BRD1: variants seen among roughly 807,000 people sequenced by gnomAD.
BRD1 encodes the protein bromodomain containing 1.
A neutral mutation model predicts 107.7 loss-of-function variants in BRD1; 24 were observed. The observed-to-expected ratio is 0.22, with a 90% CI of 0.16 to 0.31. The LOEUF (loss-of-function observed/expected upper bound fraction) is 0.31, where lower values mean the gene tolerates loss of function less well. Among genes scored for constraint, BRD1 ranks in the 10% least tolerant of loss-of-function variants. The pLI is 1.00. For synonymous variants in BRD1, 744 were observed against 686.1 expected (o/e 1.08, Z -1.32); for missense variants, 1,279 against 1,638.6 (o/e 0.78, Z 3.79).
At chr22:49,808,550 G>A (rs2059788620) in intron 2 of BRD1, among the ~76,000 whole-genome samples, 1 of 152,130 alleles carries the variant, frequency 6.6e-6, no homozygotes, top group Admixed American at 6.5e-5. Context: ...TGTTTAACTG[G>A]GACAGAGTTT....
chr22:49,789,093 G>A (rs949655888), intron 7 of BRD1, among the ~76,000 whole-genome samples: 7 of 152,112 alleles, frequency 4.6e-5, no homozygotes, highest in Admixed American at 6.5e-5. Context: ...GACACTCGGC[G>A]CCTTAGAGCA....
At chr22:49,826,148 C>T in intron 1 of BRD1, 2 of 984,330 alleles carry the variant, frequency 2.0e-6, no homozygotes, top group South Asian at 4.7e-5. Context: ...GTTGGTTACT[C>T]ACCAGATCAG....
In BRD1 at chr22:49,777,039, G is replaced by A. The variant is rs768514768; in HGVS notation, c.3116C>T (p.Ala1039Val). 1 of 1,613,116 alleles carries A rather than the reference G, an allele frequency of 6.2e-7. No individual in the cohort carries two copies. The highest frequency in any genetic ancestry group is 1.1e-5 in the South Asian group (1 of 91,088). ...GGCAGGTCCGGGCGACTCACCGGCTGCGATCCTGGCCGCCTTGGCGTAGTT... is the reference window on the plus strand; with the variant it reads ...GGCAGGTCCGGGCGACTCACCGGCTACGATCCTGGCCGCCTTGGCGTAGTT... Reference protein sequence around the residue: ...NGNYAKAARIAAEVGQSSMWI... With the variant: ...NGNYAKAARIVAEVGQSSMWI... Residue 1039 changes from alanine to valine, a missense_variant, in exon 10 of 13, where the codon GCA becomes GTA. Ala to Val is a moderately conservative substitution (Grantham distance 64). Coordinates refer to ENST00000404760, the MANE Select transcript of BRD1 (RefSeq NM_001304808.3).
At chr22:49,818,885 C>CA (rs978143063) in intron 2 of BRD1, among the ~76,000 whole-genome samples, 22 of 145,856 alleles carry the variant, frequency 1.5e-4, no homozygotes, top group East Asian at 9.9e-4. Context: ...GACTCCGTCT[C>CA]AAAAAAAAAA....
chr22:49,802,051 G>T (rs561305712), intron 3 of BRD1, among the ~76,000 whole-genome samples: 31 of 152,332 alleles, frequency 2.0e-4, no homozygotes, highest in African/African-American at 7.2e-4. Context: ...CTGGAGTTCT[G>T]TCCAGCCCCG....
At chr22:49,784,166 G>A (rs891804553) in intron 8 of BRD1, among the ~76,000 whole-genome samples, 6 of 144,564 alleles carry the variant, frequency 4.2e-5, no homozygotes, top group African/African-American at 1.6e-4. Context: ...ACACTCTCAA[G>A]CCCCAGCACA....
chr22:49,789,804 C>T (rs545933841), intron 7 of BRD1, among the ~76,000 whole-genome samples: 1 of 152,356 alleles, frequency 6.6e-6, no homozygotes, highest in Non-Finnish European at 1.5e-5. Flanking sequence ...GACGTGCAGA[C>T]GTCCCTGCCT....
intron 12 of BRD1, 107 bp downstream of exon 12, chr22:49,775,484 G>A (rs1452083305): frequency 2.7e-6 from 3 of 1,108,972 alleles, no homozygotes; most frequent in Non-Finnish European, 3.5e-6. Context: ...GCTGTGCCAG[G>A]GCCCAGCAGA....
At chr22:49,797,429 A>G (rs952738300) in intron 6 of BRD1, among the ~76,000 whole-genome samples, 7 of 152,080 alleles carry the variant, frequency 4.6e-5, no homozygotes, top group Admixed American at 6.5e-5. Flanking sequence ...CGGCCACCCC[A>G]TAGGGAGCCA....
Position 49,823,746 on chromosome 22 carries a change from T to C in BRD1, c.572A>G (p.Asp191Gly). The C allele has an allele frequency of 6.2e-7, 1 of 1,614,122 alleles. No homozygotes were observed. Among genetic ancestry groups the C allele is most frequent in the Non-Finnish European group, 8.5e-7 (1 of 1,180,032 alleles). Residue 191 changes from aspartate to glycine, a missense_variant, in exon 2 of 13, where the codon GAC (aspartate) becomes GGC (glycine). Asp to Gly is a moderately conservative substitution (Grantham distance 94). Transcript: ENST00000404760. ...GCAGTGCGACTCCTTCTCGAAGCGG[T>C]CCATCAGGAACTCAAACATGCTCTG... is the stretch of plus-strand genomic sequence containing the variant. Reference protein sequence around the residue: ...VSQSMFEFLMDRFEKESHCEN... With the variant: ...VSQSMFEFLMGRFEKESHCEN...
chr22:49,826,032 C>T (rs1180724418), intron 1 of BRD1: 7 of 327,036 alleles, frequency 2.1e-5, no homozygotes, highest in Non-Finnish European at 3.1e-5. Context: ...CACCCCCCAG[C>T]CGGCCCCGTG....
At chr22:49,809,765 C>T (rs1421315515) in intron 2 of BRD1, among the ~76,000 whole-genome samples, 1 of 152,054 alleles carries the variant, frequency 6.6e-6, no homozygotes, top group African/African-American at 2.4e-5. Context: ...ATTCCAAATG[C>T]GTACACACTG....
At position 49,787,866 on chromosome 22, in the gene BRD1, A is replaced by G; in HGVS notation, c.2381T>C (p.Leu794Pro). ...GEEGDKSPPK[L>P]EPSDALPLPS... ...AAGAGGTAATGCATCTGATGGTTCAAGTTTAGGGGGAGATTTATCTCCTGA... is the reference window on the plus strand; with the variant it reads ...AAGAGGTAATGCATCTGATGGTTCAGGTTTAGGGGGAGATTTATCTCCTGA... Residue 794 changes from leucine (L) to proline (P), a missense_variant, in exon 8 of 13, where the codon CTT becomes CCT. Physicochemically the swap from Leu to Pro is moderately conservative, Grantham distance 98. Coordinates refer to ENST00000404760, the MANE Select transcript of BRD1 (RefSeq NM_001304808.3). 6.5e-7 allele frequency: 1 copy of G among 1,538,762 alleles called. No homozygotes were observed. Among genetic ancestry groups the G allele is most frequent in the Non-Finnish European group, 8.8e-7 (1 of 1,139,778 alleles).
chr22:49,776,740 A>C (rs1043743595), intron 10 of BRD1, among the ~76,000 whole-genome samples: 1 of 152,184 alleles, frequency 6.6e-6, no homozygotes, highest in Non-Finnish European at 1.5e-5. Context: ...CACTGAACCT[A>C]AACAACCCCA....
At chr22:49,813,216 C>T (rs1176211714) in intron 2 of BRD1, among the ~76,000 whole-genome samples, 3 of 152,236 alleles carry the variant, frequency 2.0e-5, no homozygotes, top group Admixed American at 6.5e-5. Context: ...CACAGTGAGA[C>T]GCCATCTCTA....
At chr22:49,816,716 T>C (rs529505196) in intron 2 of BRD1, among the ~76,000 whole-genome samples, 9 of 152,250 alleles carry the variant, frequency 5.9e-5, no homozygotes, top group African/African-American at 1.9e-4. Context: ...CTGGACAACA[T>C]AGTGAGACCC....
chr22:49,819,685 G>C (rs928833130), intron 2 of BRD1, among the ~76,000 whole-genome samples: 2 of 151,344 alleles, frequency 1.3e-5, no homozygotes, highest in African/African-American at 2.4e-5. Context: ...TCCTGACCTC[G>C]TGATCTACCC....
At chr22:49,800,794 C>T (rs185274371) in intron 3 of BRD1, among the ~76,000 whole-genome samples, 228 of 152,314 alleles carry the variant, frequency 1.5e-3, no homozygotes, top group African/African-American at 3.9e-3. Context: ...GGAGGCTCCA[C>T]GAGAAAGGAC....
At chr22:49,775,766 G>A (rs749696515) in intron 11 of BRD1, 21 bp from the exon 12 acceptor site, 6 of 1,603,758 alleles carry the variant, frequency 3.7e-6, no homozygotes, top group South Asian at 2.2e-5. Flanking sequence ...AGGACCCGCT[G>A]AGGTCATTGT....
Sources: allele counts gnomAD v4.1 joint callset (sites outside exome capture counted in the v4.1 genomes callset), GRCh38; gene constraint gnomAD v4.1.1; transcripts MANE v1.5; gene names NCBI Gene and HGNC (gene_info 2026-07-23, HGNC 2026-07-21).